The following FMNL2 variants were observed in gnomAD, a reference collection of about 807,000 sequenced individuals.
FMNL2 encodes the protein formin-like protein 2.
FMNL2 carries 51 observed loss-of-function variants against 130.2 expected under a neutral mutation model. The observed-to-expected ratio is 0.39, with a 90% CI of 0.31 to 0.49. The LOEUF (loss-of-function observed/expected upper bound fraction) is 0.49. FMNL2 is among the 20% of genes least tolerant of loss of function. The probability of loss-of-function intolerance (pLI) is 0.85; values close to 1 mark genes in which losing one functional copy is unlikely to be tolerated. For synonymous variants in FMNL2, 465 were observed against 467.1 expected (o/e 1.00, Z 0.06); for missense variants, 977 against 1,316.2 (o/e 0.74, Z 3.99).
At chr2:152,490,568 A>AGTGT (rs1208283542) in intron 1 of FMNL2, among the ~76,000 whole-genome samples, 216 of 35,410 alleles carry the variant, frequency 6.1e-3, no homozygotes, top group Non-Finnish European at 0.013. Context: ...TTTGCTATCC[A>AGTGT]ATGTGTGTGT....
intron 2 of FMNL2, among the ~76,000 whole-genome samples, chr2:152,533,091 A>G (rs1454861694): frequency 6.6e-6 from 1 of 152,148 alleles, no homozygotes; most frequent in East Asian, 1.9e-4. Flanking sequence ...ATTAAATTGA[A>G]TTTATTTTTT....
intron 4 of FMNL2, among the ~76,000 whole-genome samples, chr2:152,552,672 A>T (rs7607747): frequency 6.6e-6 from 1 of 152,072 alleles, no homozygotes; most frequent in Non-Finnish European, 1.5e-5. Flanking sequence ...CTTAGGAACT[A>T]TAATAATAGA....
chr2:152,545,698 G>A (rs1027540390), intron 3 of FMNL2, among the ~76,000 whole-genome samples: 1 of 152,208 alleles, frequency 6.6e-6, no homozygotes, highest in Non-Finnish European at 1.5e-5. Context: ...GGGGAGGGAA[G>A]GGAGAATAGT....
chr2:152,338,634 T>C (rs988203391), intron 1 of FMNL2, among the ~76,000 whole-genome samples: 1 of 152,020 alleles, frequency 6.6e-6, no homozygotes, highest in African/African-American at 2.4e-5. Context: ...AAAAATGGAG[T>C]TAGTGACTAG....
At chr2:152,562,922 G>A (rs760482752) in intron 6 of FMNL2, among the ~76,000 whole-genome samples, 2 of 152,160 alleles carry the variant, frequency 1.3e-5, no homozygotes, top group Non-Finnish European at 2.9e-5. Flanking sequence ...CACTTAGAAA[G>A]TATCATGTAT....
At chr2:152,520,526 C>T (rs768194939) in intron 1 of FMNL2, among the ~76,000 whole-genome samples, 1 of 149,486 alleles carries the variant, frequency 6.7e-6, no homozygotes, top group Non-Finnish European at 1.5e-5. Flanking sequence ...ACCCAGGAAG[C>T]GGAGGTTGCA....
At chr2:152,490,298 G>A (rs1033279023) in intron 1 of FMNL2, among the ~76,000 whole-genome samples, 1 of 151,568 alleles carries the variant, frequency 6.6e-6, no homozygotes. Context: ...AGAGGTTTGG[G>A]GGCTGGGAAG....
chr2:152,641,993 T>C (rs1297987308), intron 25 of FMNL2, among the ~76,000 whole-genome samples: 3 of 151,718 alleles, frequency 2.0e-5, no homozygotes, highest in African/African-American at 7.3e-5. Context: ...CAGGCTGGAG[T>C]GCAGTGGTGC....
intron 1 of FMNL2, among the ~76,000 whole-genome samples, chr2:152,373,041 G>A (rs369872511): frequency 2.0e-5 from 3 of 152,010 alleles, no homozygotes; most frequent in East Asian, 3.9e-4. Context: ...TCTAGTTCCA[G>A]CCTTAACACT....
intron 1 of FMNL2, among the ~76,000 whole-genome samples, chr2:152,448,582 T>G (rs1688476222): frequency 6.6e-6 from 1 of 152,222 alleles, no homozygotes; most frequent in Non-Finnish European, 1.5e-5. Flanking sequence ...GGTTTTCTCT[T>G]TTTTGGACTG....
At chr2:152,579,890 A>G (rs1192306568) in intron 8 of FMNL2, among the ~76,000 whole-genome samples, 1 of 152,220 alleles carries the variant, frequency 6.6e-6, no homozygotes, top group Non-Finnish European at 1.5e-5. Context: ...TCAAATGTGC[A>G]ATTCCTTTTC....
intron 1 of FMNL2, among the ~76,000 whole-genome samples, chr2:152,447,123 G>A (rs377327602): frequency 2.6e-5 from 4 of 151,018 alleles, no homozygotes; most frequent in East Asian, 3.9e-4. Context: ...TTGGAGACAA[G>A]TTTCTTACTT....
At chr2:152,470,288 C>G (rs977426770) in intron 1 of FMNL2, among the ~76,000 whole-genome samples, 1 of 152,124 alleles carries the variant, frequency 6.6e-6, no homozygotes, top group African/African-American at 2.4e-5. Context: ...TGAGCAAGTC[C>G]CGTAATCTCA....
intron 1 of FMNL2, among the ~76,000 whole-genome samples, chr2:152,386,860 A>G (rs964412199): frequency 2.0e-5 from 3 of 152,192 alleles, no homozygotes; most frequent in Non-Finnish European, 4.4e-5. Flanking sequence ...TCTGCTTTCA[A>G]AATGGTTTTA....
intron 1 of FMNL2, among the ~76,000 whole-genome samples, chr2:152,366,449 AAAT>A (rs2105840206): frequency 8.1e-6 from 1 of 124,192 alleles, no homozygotes; most frequent in African/African-American, 3.1e-5. Flanking sequence ...AATAATAAAA[AAAT>A]AAATAAAATT....
chr2:152,452,373 C>G (rs1457342573), intron 1 of FMNL2, among the ~76,000 whole-genome samples: 7 of 152,310 alleles, frequency 4.6e-5, no homozygotes, highest in African/African-American at 1.7e-4. Context: ...AGAAGCTTGC[C>G]TGGATCTTTT....
At chr2:152,503,126 C>G (rs1252166376) in intron 1 of FMNL2, among the ~76,000 whole-genome samples, 2 of 152,132 alleles carry the variant, frequency 1.3e-5, no homozygotes, top group African/African-American at 4.8e-5. Context: ...GTAAGGCAGA[C>G]TTTATTTAGT....
At chr2:152,486,155 A>T (rs903209587) in intron 1 of FMNL2, among the ~76,000 whole-genome samples, 19 of 152,212 alleles carry the variant, frequency 1.2e-4, no homozygotes, top group Admixed American at 7.9e-4. Flanking sequence ...GTGTCAGGAT[A>T]TTCTTGTCAC....
intron 25 of FMNL2, among the ~76,000 whole-genome samples, 173 bp from the exon 26 acceptor site, chr2:152,647,619 GTAAA>G (rs1411535207): frequency 6.6e-6 from 1 of 152,196 alleles, no homozygotes; most frequent in Non-Finnish European, 1.5e-5. Flanking sequence ...TTGTTTGATT[GTAAA>G]TATTGAAGGC....
Sources: gnomAD v4.1 joint callset for allele counts (sites outside exome capture counted in the v4.1 genomes callset) on GRCh38, gnomAD v4.1.1 for gene constraint, MANE v1.5 for transcripts, NCBI Gene and HGNC (gene_info 2026-07-23, HGNC 2026-07-21) for gene names.